GRIA2: variants seen among roughly 807,000 people sequenced by gnomAD.
The protein encoded by GRIA2 is glutamate ionotropic receptor AMPA type subunit 2.
In GRIA2, 14 loss-of-function variants were observed where a neutral mutation model predicts 97.3. The ratio of observed to expected loss-of-function variants is 0.14; its 90% CI spans 0.10 to 0.23. The LOEUF (loss-of-function observed/expected upper bound fraction) is 0.23. Among genes scored for constraint, GRIA2 ranks in the 10% least tolerant of loss-of-function variants. The pLI is 1.00. For missense variants in GRIA2, 558 were observed against 1,069.8 expected, an observed-to-expected ratio of 0.52 and a Z score of 6.67; for synonymous variants, 412 against 387.8, an observed-to-expected ratio of 1.06 and a Z score of -0.73.
In GRIA2 at chr4:157,341,369, G is replaced by A. The variant is rs1579377589; in HGVS notation, c.1950G>A (p.Met650Ile). 1 of 1,612,054 alleles carries A rather than the reference G, an allele frequency of 6.2e-7. No homozygotes were observed. Among genetic ancestry groups the A allele is most frequent in the Non-Finnish European group, 8.5e-7 (1 of 1,178,318 alleles). ...NLAAFLTVER[M>I]VSPIESAEDL... ...CTGCCTTCCTGACTGTAGAGAGGAT[G>A]GTGTCTCCCATCGAAAGTGCTGAGG... is the stretch of plus-strand genomic sequence containing the variant. The change falls in exon 12 of 16, where the codon ATG becomes ATA. Residue 650 changes from methionine to isoleucine, a missense_variant. Around this residue, in one of 8 missense-constraint regions of GRIA2, gnomAD observed 125 missense variants for 310.2 expected, o/e 0.40. Transcript: ENST00000264426.
intron 12 of GRIA2, among the ~76,000 whole-genome samples, chr4:157,357,798 T>C (rs1167710087): frequency 1.3e-5 from 2 of 152,104 alleles, no homozygotes; most frequent in Non-Finnish European, 2.9e-5. Flanking sequence ...TTTTTCTAGA[T>C]TGTATTTTAA....
At chr4:157,221,855 A>C in intron 2 of GRIA2, 48 bp downstream of exon 2, 8 of 1,566,000 alleles carry the variant, frequency 5.1e-6, no homozygotes, top group Non-Finnish European at 7.0e-6. Flanking sequence ...GCGGAAGGCC[A>C]GCGAGTGTGA....
chr4:157,312,496 G>T (rs1427124338), intron 3 of GRIA2, among the ~76,000 whole-genome samples, 183 bp from the exon 4 acceptor site: 2 of 152,104 alleles, frequency 1.3e-5, no homozygotes, highest in African/African-American at 4.8e-5. Context: ...ATGAGTTTTT[G>T]ATGTGAAGTG....
At chr4:157,274,588 A>G (rs1732197507) in intron 2 of GRIA2, among the ~76,000 whole-genome samples, 1 of 140,822 alleles carries the variant, frequency 7.1e-6, no homozygotes, top group African/African-American at 2.7e-5. Flanking sequence ...TCATTGTTCA[A>G]TTCCCACCTA....
At chr4:157,329,338 A>T (rs945702812) in intron 6 of GRIA2, among the ~76,000 whole-genome samples, 2 of 152,000 alleles carry the variant, frequency 1.3e-5, no homozygotes, top group African/African-American at 4.8e-5. Flanking sequence ...TCAATGTATA[A>T]AAATTTTTTA....
chr4:157,309,542 G>A (rs1398089968), intron 3 of GRIA2, among the ~76,000 whole-genome samples: 1 of 151,846 alleles, frequency 6.6e-6, no homozygotes, highest in South Asian at 2.1e-4. Flanking sequence ...AGTAGAGATG[G>A]GGTTTCGCCA....
intron 11 of GRIA2, among the ~76,000 whole-genome samples, chr4:157,339,432 A>T (rs1297845265): frequency 6.6e-6 from 1 of 151,982 alleles, no homozygotes; most frequent in African/African-American, 2.4e-5. Flanking sequence ...TCTTTGAGAA[A>T]CATGAATTGA....
chr4:157,301,064 A>G (rs771472894), intron 2 of GRIA2, among the ~76,000 whole-genome samples: 46 of 152,316 alleles, frequency 3.0e-4, no homozygotes, highest in Non-Finnish European at 4.9e-4. Flanking sequence ...TGATATTCCT[A>G]TAGTACCTAG....
intron 2 of GRIA2, among the ~76,000 whole-genome samples, chr4:157,226,217 A>G (rs1729738422): frequency 6.6e-6 from 1 of 152,020 alleles, no homozygotes; most frequent in Non-Finnish European, 1.5e-5. Context: ...ATAAAAATCT[A>G]CTTTTTCTCC....
intron 2 of GRIA2, among the ~76,000 whole-genome samples, chr4:157,285,790 C>T (rs1200881992): frequency 1.3e-5 from 2 of 151,432 alleles, no homozygotes; most frequent in African/African-American, 2.4e-5. Context: ...AAGTTCAATT[C>T]ATTATTTGTT....
chr4:157,359,768 G>A (rs902298096), intron 12 of GRIA2, 128 bp from the exon 13 acceptor site: 2 of 771,752 alleles, frequency 2.6e-6, no homozygotes. Flanking sequence ...AAAAATTGTT[G>A]AAAGATGAGA....
chr4:157,355,951 T>TTATATATTTA (rs374520509), intron 12 of GRIA2, among the ~76,000 whole-genome samples: 55,431 of 67,804 alleles, frequency 0.82, 22,007 homozygotes, highest in South Asian at 0.87. Flanking sequence ...TAATATATAT[T>TTATATATTTA]TATATATTTA....
intron 2 of GRIA2, among the ~76,000 whole-genome samples, chr4:157,231,387 G>C (rs545902009): frequency 6.6e-6 from 1 of 152,046 alleles, no homozygotes; most frequent in Non-Finnish European, 1.5e-5. Flanking sequence ...ATGTTGATCA[G>C]GCTGCTCTTG....
At chr4:157,266,152 C>T (rs1167836264) in intron 2 of GRIA2, among the ~76,000 whole-genome samples, 3 of 152,054 alleles carry the variant, frequency 2.0e-5, no homozygotes, top group African/African-American at 7.2e-5. Context: ...CGTTTTAGAG[C>T]TATTTATTGA....
At chr4:157,325,922 A>G (rs1015232421) in intron 6 of GRIA2, among the ~76,000 whole-genome samples, 1 of 152,046 alleles carries the variant, frequency 6.6e-6, no homozygotes, top group African/African-American at 2.4e-5. Context: ...TGGTCCTTTT[A>G]GAGTATAAAT....
chr4:157,312,601 A>G (rs991076942), intron 3 of GRIA2, 78 bp from the exon 4 acceptor site: 14 of 772,106 alleles, frequency 1.8e-5, no homozygotes, highest in Admixed American at 9.3e-5. Context: ...TTAAAAATAT[A>G]TTCACTGGCA....
At chr4:157,334,912 G>A (rs543494375) in intron 9 of GRIA2, 6 of 152,238 alleles carry the variant, frequency 3.9e-5, no homozygotes, top group African/African-American at 1.4e-4. Context: ...AAAATCTCTT[G>A]ATAAGTGCAA....
chr4:157,221,885 GGGT>G, intron 2 of GRIA2, 78 bp downstream of exon 2: 2 of 1,359,270 alleles, frequency 1.5e-6, no homozygotes, highest in Non-Finnish European at 2.1e-6. Context: ...TGCGTTTCTG[GGGT>G]GGTGTGTGTG....
At chr4:157,342,835 T>C (rs1735605639) in intron 12 of GRIA2, among the ~76,000 whole-genome samples, 1 of 152,078 alleles carries the variant, frequency 6.6e-6, no homozygotes, top group Admixed American at 6.6e-5. Flanking sequence ...ATTTTCAGAC[T>C]CTCTCTTCCA....
Sources: gnomAD v4.1 joint callset for allele counts (sites outside exome capture counted in the v4.1 genomes callset) on GRCh38, gnomAD v4.1.1 for gene constraint, gnomAD v4.1.1 regional missense constraint, MANE v1.5 for transcripts, NCBI Gene and HGNC (gene_info 2026-07-23, HGNC 2026-07-21) for gene names.